The following SEC24B variants were observed in gnomAD, a reference collection of about 807,000 sequenced individuals.
SEC24B encodes protein transport protein Sec24B.
Under a neutral mutation model 142.8 loss-of-function variants are expected in SEC24B, and 45 were observed. That is an observed-to-expected ratio of 0.32 (90% CI 0.25 to 0.40). SEC24B has a LOEUF of 0.40. SEC24B is among the 10% of genes least tolerant of loss of function. The pLI is 1.00. For missense variants in SEC24B, 1,409 were observed against 1,526.8 expected (o/e 0.92, Z 1.29); for synonymous variants, 574 against 568.2 (o/e 1.01, Z -0.15).
At chr4:109,489,575 T>C (rs991519584) in intron 4 of SEC24B, among the ~76,000 whole-genome samples, 2 of 118,422 alleles carry the variant, frequency 1.7e-5, no homozygotes, top group African/African-American at 6.9e-5. Flanking sequence ...TCCCCTCCCC[T>C]CAGCCTGGGT....
At chr4:109,524,780 A>G (rs1578983760) in intron 14 of SEC24B, 38 bp from the exon 15 acceptor site, 1 of 1,569,522 alleles carries the variant, frequency 6.4e-7, no homozygotes, top group Non-Finnish European at 8.6e-7. Flanking sequence ...TATGAGCATA[A>G]AGATTGCTAG....
intron 1 of SEC24B, among the ~76,000 whole-genome samples, chr4:109,456,334 G>GTTTTTTTTTTTTTTT (rs70949081): frequency 1.1e-5 from 1 of 94,094 alleles, no homozygotes; most frequent in Non-Finnish European, 2.1e-5. Flanking sequence ...GGTTTTTTTT[G>GTTTTTTTTTTTTTTT]TTTTTTTTTT....
chr4:109,492,293 A>AT (rs1244948062), intron 5 of SEC24B, among the ~76,000 whole-genome samples: 2 of 152,038 alleles, frequency 1.3e-5, no homozygotes, highest in Non-Finnish European at 2.9e-5. Flanking sequence ...GTAGTTAAGG[A>AT]TTTTTCCCCT....
chr4:109,441,024 G>A (rs1728882107), intron 1 of SEC24B, among the ~76,000 whole-genome samples: 1 of 152,182 alleles, frequency 6.6e-6, no homozygotes, highest in Admixed American at 6.5e-5. Context: ...TAGCTAGTTT[G>A]CTTATGGAAA....
At chr4:109,533,429 A>C (rs541812969) in intron 21 of SEC24B, among the ~76,000 whole-genome samples, 164 bp from the exon 22 acceptor site, 14 of 152,334 alleles carry the variant, frequency 9.2e-5, no homozygotes, top group African/African-American at 3.4e-4. Context: ...GACGATGTGA[A>C]CCACTCTGGA....
At position 109,524,951 on chromosome 4, in the gene SEC24B, G is replaced by A; in HGVS notation, c.2632+10G>A. 1 of 1,598,578 alleles carries A rather than the reference G, an allele frequency of 6.3e-7. No homozygotes were observed. The highest frequency in any genetic ancestry group is 8.5e-7 in the Non-Finnish European group (1 of 1,173,636). Reference sequence around the variant, plus strand: ...GATCTTGCTTCTCTAGGTAAGGAAAGTCATCATGGGTACATTTGTTTAAAT... The same window carrying A: ...GATCTTGCTTCTCTAGGTAAGGAAAATCATCATGGGTACATTTGTTTAAAT... On this transcript the variant is annotated intron_variant, in intron 15 of 23. Coordinates refer to ENST00000265175, the MANE Select transcript of SEC24B (RefSeq NM_006323.5).
chr4:109,466,083 TTTAAAA>T (rs1731823780), intron 2 of SEC24B, among the ~76,000 whole-genome samples: 1 of 152,222 alleles, frequency 6.6e-6, no homozygotes, highest in Non-Finnish European at 1.5e-5. Flanking sequence ...AAAAATCTAC[TTTAAAA>T]TTAAATATTG....
At chr4:109,538,778 T>TTA (rs1725838734) in intron 23 of SEC24B, among the ~76,000 whole-genome samples, 182 bp downstream of exon 23, 3 of 152,078 alleles carry the variant, frequency 2.0e-5, no homozygotes, top group Non-Finnish European at 4.4e-5. Context: ...TTTTTAATTT[T>TTA]CTTTCTTTCT....
intron 1 of SEC24B, among the ~76,000 whole-genome samples, chr4:109,461,398 A>G (rs1731242272): frequency 6.6e-6 from 1 of 152,236 alleles, no homozygotes; most frequent in Non-Finnish European, 1.5e-5. Flanking sequence ...GCTTCATCAT[A>G]AAAGTTGACC....
chr4:109,462,865 C>G, intron 1 of SEC24B, 36 bp from the exon 2 acceptor site: 1 of 1,454,456 alleles, frequency 6.9e-7, no homozygotes, highest in Non-Finnish European at 9.2e-7. Flanking sequence ...AATTAGTTAT[C>G]TCTTTACAAA....
intron 6 of SEC24B, among the ~76,000 whole-genome samples, chr4:109,500,216 A>G (rs895848487): frequency 6.6e-6 from 1 of 152,176 alleles, no homozygotes; most frequent in African/African-American, 2.4e-5. Flanking sequence ...AGTTATTTAG[A>G]TTGGTGCAAA....
rs1171461035 is a variant in SEC24B at position 109,463,527 on chromosome 4, C to CT, written c.763dup (p.Ser255PhefsTer84). 1 of 1,614,064 alleles carries CT rather than the reference C, an allele frequency of 6.2e-7. No homozygotes were observed. Among genetic ancestry groups the CT allele is most frequent in the Non-Finnish European group, 8.5e-7 (1 of 1,180,040 alleles). On this transcript the variant is annotated frameshift_variant, in exon 2 of 24. Transcript: ENST00000265175. LOFTEE classifies it high-confidence loss of function. ...ACAACAGCACCACCAGCAGCAAAGTCTTTCAGGATACAGTACTCTAACGTG... is the reference window on the plus strand; with the variant it reads ...ACAACAGCACCACCAGCAGCAAAGTCTTTTCAGGATACAGTACTCTAACGTG...
chr4:109,520,089 G>A (rs1298890314), intron 11 of SEC24B, among the ~76,000 whole-genome samples: 1 of 152,160 alleles, frequency 6.6e-6, no homozygotes, highest in Admixed American at 6.5e-5. Context: ...CTGATTTGCA[G>A]TATATTCAAT....
rs1735004494 is a variant in SEC24B, at chr4:109,491,368, C to A, written c.1207C>A (p.Pro403Thr). The A allele has an allele frequency of 3.1e-6, 5 of 1,613,520 alleles. No homozygotes were observed. In the African/African-American group the frequency reaches 5.3e-5, roughly 17 times the overall value. The change falls in exon 5 of 24, where the codon CCC (proline) becomes ACC (threonine). Residue 403 changes from proline to threonine, a missense_variant. This residue lies in a region of SEC24B where 709 missense variants were observed against 673.5 expected (regional missense o/e 1.05). Transcript: ENST00000265175. ...SSTTSSASPM[P>T]NSYDALEGGS... ...TACCACAAGCAGTGCTTCTCCAATG[C>A]CCAACAGTTATGATGCCCTGGAAGG...
intron 15 of SEC24B, 77 bp from the exon 16 acceptor site, chr4:109,525,269 G>A (rs1724090271): frequency 8.2e-7 from 1 of 1,217,250 alleles, no homozygotes; most frequent in South Asian, 2.0e-5. Flanking sequence ...TCTTCATAAT[G>A]TAGAATCTGT....
intron 3 of SEC24B, among the ~76,000 whole-genome samples, chr4:109,474,342 CA>C (rs1460251581): frequency 1.3e-5 from 2 of 152,022 alleles, no homozygotes; most frequent in South Asian, 4.2e-4. Context: ...TTTTCCTCTA[CA>C]TTGATGACTG....
At chr4:109,466,328 C>T (rs981566085) in intron 2 of SEC24B, among the ~76,000 whole-genome samples, 3 of 152,170 alleles carry the variant, frequency 2.0e-5, no homozygotes, top group Non-Finnish European at 4.4e-5. Context: ...TCTAGAAAGT[C>T]TGGCAACATA....
intron 13 of SEC24B, 81 bp from the exon 14 acceptor site, chr4:109,521,339 A>G: frequency 8.1e-7 from 1 of 1,242,128 alleles, no homozygotes; most frequent in Non-Finnish European, 1.2e-6. Flanking sequence ...ACAGTGACAC[A>G]TGATACACTA....
rs575722486 is a variant in SEC24B, at chr4:109,470,470, T to C, written c.878-2534T>C. On this transcript the variant is annotated intron_variant, in intron 2 of 23. Coordinates refer to ENST00000265175, the MANE Select transcript of SEC24B (RefSeq NM_006323.5). ...TATGGCAAATGATTTTTGTTTGAGATACTGGACAAAGAGACTAGTCTGCTT... is the reference window on the plus strand; with the variant it reads ...TATGGCAAATGATTTTTGTTTGAGACACTGGACAAAGAGACTAGTCTGCTT... Among the ~76,000 whole-genome samples, 7 of 152,368 alleles carry C rather than the reference T, an allele frequency of 4.6e-5. No individual in the cohort carries two copies. In the South Asian group the frequency reaches 1.0e-3, roughly 23 times the overall value.
Sources: allele counts gnomAD v4.1 joint callset (sites outside exome capture counted in the v4.1 genomes callset), GRCh38; gene constraint gnomAD v4.1.1; regional missense constraint gnomAD v4.1.1; transcripts MANE v1.5; gene names NCBI Gene and HGNC (gene_info 2026-07-23, HGNC 2026-07-21).